Variants in RHAG observed in about 807,000 individuals in gnomAD.
RHAG encodes ammonium transporter Rh type A.
RHAG carries 25 observed loss-of-function variants against 42.4 expected under a neutral mutation model. That is an observed-to-expected ratio of 0.59 (90% CI 0.43 to 0.82). RHAG has a LOEUF of 0.82. RHAG is among the 40% of genes least tolerant of loss of function. RHAG has a pLI of 0.00. For missense variants in RHAG, 483 were observed against 504.6 expected (o/e 0.96, Z 0.41); for synonymous variants, 182 against 177.7 (o/e 1.02, Z -0.19).
At chr6:49,618,369 A>T in intron 2 of RHAG, 151 bp from the exon 3 acceptor site, 2 of 762,004 alleles carry the variant, frequency 2.6e-6, no homozygotes, top group Admixed American at 4.3e-5. Context: ...TTGACCAGAC[A>T]CTCTTTAATT....
intron 7 of RHAG, among the ~76,000 whole-genome samples, chr6:49,610,206 T>G (rs1041064840): frequency 1.3e-5 from 2 of 152,184 alleles, no homozygotes; most frequent in Admixed American, 1.3e-4. Context: ...CTGCACATTC[T>G]GCACATGTAT....
chr6:49,613,697 C>A (rs1762604977), intron 5 of RHAG, among the ~76,000 whole-genome samples: 1 of 152,048 alleles, frequency 6.6e-6, no homozygotes, highest in Non-Finnish European at 1.5e-5. Flanking sequence ...CTCAAGAGAC[C>A]AATTTGGGGG....
intron 4 of RHAG, 89 bp downstream of exon 4, chr6:49,615,535 T>C (rs1762639375): frequency 6.9e-7 from 1 of 1,458,694 alleles, no homozygotes; most frequent in Non-Finnish European, 9.6e-7. Flanking sequence ...TTGGATGTTC[T>C]TTTTGAGCAT....
intron 1 of RHAG, among the ~76,000 whole-genome samples, chr6:49,632,454 T>C (rs1762948141): frequency 6.6e-6 from 1 of 152,256 alleles, no homozygotes; most frequent in Non-Finnish European, 1.5e-5. Flanking sequence ...AGAAAATTTG[T>C]GTCTGCTATC....
chr6:49,623,059 C>T (rs1185654524), intron 1 of RHAG, among the ~76,000 whole-genome samples: 7 of 151,950 alleles, frequency 4.6e-5, no homozygotes. Context: ...AGGATGGTCT[C>T]GATCTCCTGA....
In RHAG at chr6:49,615,696, A is replaced by C. The variant is rs780618230; in HGVS notation, c.568T>G (p.Tyr190Asp). Reference protein sequence around the residue: ...YFGLAVAGILYRSGLRKGHEN... With the variant: ...YFGLAVAGILDRSGLRKGHEN... ...TGCCCCTTTCTCAGTCCAGATCGAT[A>C]CAAGATGCCTGCTACAGCCAAGCCA... Residue 190 changes from tyrosine (Y) to aspartate (D), a missense_variant, in exon 4 of 10, where the codon TAT (tyrosine) becomes GAT (aspartate). Tyr to Asp is a radical substitution (Grantham distance 160, BLOSUM62 -3). Transcript: ENST00000371175. 6.2e-7 allele frequency: 1 copy of C among 1,614,168 alleles called. No individual in the cohort carries two copies. Among genetic ancestry groups the C allele is most frequent in the Non-Finnish European group, 8.5e-7 (1 of 1,180,022 alleles).
chr6:49,616,874 T>C (rs761827349), intron 3 of RHAG, among the ~76,000 whole-genome samples: 25 of 152,178 alleles, frequency 1.6e-4, no homozygotes, highest in Non-Finnish European at 7.4e-5. Context: ...AAACCTTGCC[T>C]TGCTTCACCA....
In RHAG at chr6:49,605,675, C is replaced by T. The variant is rs1774148954; in HGVS notation, c.*138G>A. 1 of 836,942 alleles carries T rather than the reference C, an allele frequency of 1.2e-6. No individual in the cohort carries two copies. The highest frequency in any genetic ancestry group is 2.1e-6 in the Non-Finnish European group (1 of 476,704). The allele number at this position is 836,942 out of a possible 1,614,324, so 51.8% of individuals were successfully genotyped here. On this transcript the variant is annotated 3_prime_UTR_variant, in exon 10 of 10. Coordinates refer to ENST00000371175, the MANE Select transcript of RHAG (RefSeq NM_000324.3). ...TAGGATCTATTCACTCTGGTCCATA[C>T]TCTCTTTGGTTACTCCCTTTTTGTT...
At position 49,605,562 on chromosome 6, in the gene RHAG, T is replaced by C; in HGVS notation, c.*251A>G. On this transcript the variant is annotated 3_prime_UTR_variant, in exon 10 of 10. Transcript: ENST00000371175. ...GGAGAAGATCTATTTGATTATCTGT[T>C]TTATGAGTAACATCCCCTCAATTAA... 1.8e-6 allele frequency: 1 copy of C among 570,488 alleles called. No homozygotes were observed. The highest frequency in any genetic ancestry group is 3.2e-6 in the Non-Finnish European group (1 of 315,778). 35.3% of individuals were successfully genotyped at this position (570,488 alleles called of 1,614,324 possible). A position where few individuals can be genotyped will look rare whatever the true frequency, so the allele number is the denominator to read the frequency against.
At chr6:49,633,351 G>A (rs920393509) in intron 1 of RHAG, among the ~76,000 whole-genome samples, 10 of 151,976 alleles carry the variant, frequency 6.6e-5, no homozygotes, top group African/African-American at 2.4e-4. Context: ...CTTGAACATT[G>A]TTTTCTATTA....
intron 1 of RHAG, among the ~76,000 whole-genome samples, chr6:49,625,351 G>A (rs572996511): frequency 1.3e-5 from 2 of 152,182 alleles, no homozygotes; most frequent in East Asian, 3.9e-4. Context: ...TTTGACCTTG[G>A]GCAAATTGCT....
At chr6:49,631,404 A>G (rs927105487) in intron 1 of RHAG, among the ~76,000 whole-genome samples, 1 of 152,226 alleles carries the variant, frequency 6.6e-6, no homozygotes, top group African/African-American at 2.4e-5. Context: ...TTCTATAAAG[A>G]AGAGCTTCCT....
intron 1 of RHAG, among the ~76,000 whole-genome samples, chr6:49,635,471 G>A (rs1245356016): frequency 6.6e-6 from 1 of 152,062 alleles, no homozygotes; most frequent in Non-Finnish European, 1.5e-5. Context: ...TGTACTAAAT[G>A]AATAAATGGA....
At chr6:49,620,957 C>T (rs1350064419) in intron 1 of RHAG, among the ~76,000 whole-genome samples, 1 of 152,080 alleles carries the variant, frequency 6.6e-6, no homozygotes, top group Non-Finnish European at 1.5e-5. Flanking sequence ...ATTAATTTGC[C>T]CAAAGGATGA....
chr6:49,627,854 A>G (rs1261477709), intron 1 of RHAG, among the ~76,000 whole-genome samples: 2 of 152,140 alleles, frequency 1.3e-5, no homozygotes, highest in Non-Finnish European at 2.9e-5. Context: ...ACTTGCCCTC[A>G]TGATTCAATT....
At chr6:49,619,065 G>T in intron 2 of RHAG, 114 bp downstream of exon 2, 2 of 1,163,970 alleles carry the variant, frequency 1.7e-6, no homozygotes, top group South Asian at 1.3e-5. Context: ...CTGCCTTCAT[G>T]ACCTGGTCAC....
intron 1 of RHAG, among the ~76,000 whole-genome samples, chr6:49,628,273 T>A (rs968086633): frequency 6.6e-5 from 10 of 152,046 alleles, no homozygotes; most frequent in African/African-American, 2.4e-4. Flanking sequence ...CCTGAGTAGC[T>A]GGGATTACAG....
Position 49,636,676 on chromosome 6 carries a change from A to T in RHAG, c.137T>A (p.Ile46Lys). 9 of 1,613,966 alleles carry T rather than the reference A, an allele frequency of 5.6e-6. No homozygotes were observed. The highest frequency in any genetic ancestry group is 7.6e-6 in the Non-Finnish European group (9 of 1,179,810). The change falls in exon 1 of 10, where the codon ATA (isoleucine) becomes AAA (lysine). Residue 46 changes from isoleucine (I) to lysine (K), a missense_variant. Physicochemically the swap from Ile to Lys is moderately radical, Grantham distance 102. Coordinates refer to ENST00000371175, the MANE Select transcript of RHAG (RefSeq NM_000324.3). ...CTCACGAGGATATAACTCAAAGAAT[A>T]TGCCCATGTCTGTTGGCTTGGTGAT... ...LNITKPTDMG[I>K]FFELYPLFQD...
intron 4 of RHAG, 61 bp from the exon 5 acceptor site, chr6:49,614,914 A>G: frequency 6.9e-7 from 1 of 1,444,396 alleles, no homozygotes; most frequent in Non-Finnish European, 9.7e-7. Context: ...CAGAGGATGC[A>G]GTTTGCTTTA....
Sources: gnomAD v4.1 joint callset for allele counts (sites outside exome capture counted in the v4.1 genomes callset) on GRCh38, gnomAD v4.1.1 for gene constraint, MANE v1.5 for transcripts, NCBI Gene and HGNC (gene_info 2026-07-23, HGNC 2026-07-21) for gene names.